ADK: variants seen among roughly 807,000 people sequenced by gnomAD.
The protein encoded by ADK is N6,N6-dimethyladenosine kinase.
ADK carries 24 observed loss-of-function variants against 44.7 expected under a neutral mutation model. That is an observed-to-expected ratio of 0.54 (90% confidence interval 0.39 to 0.76). The LOEUF (loss-of-function observed/expected upper bound fraction) is 0.76, where lower values mean the gene tolerates loss of function less well. Ranked by LOEUF, ADK falls within the 30% of genes least tolerant of loss-of-function variation. ADK has a pLI of 0.00. For missense variants in ADK, 321 were observed against 425.1 expected (o/e 0.76, Z 2.15); for synonymous variants, 128 against 142.6 (o/e 0.90, Z 0.73).
chr10:74,151,493 G>A, intron 1 of ADK, 150 bp downstream of exon 1: 1 of 818,214 alleles, frequency 1.2e-6, no homozygotes, highest in Non-Finnish European at 2.0e-6. Flanking sequence ...CCGCTTGGCC[G>A]CGACCCCTTG....
At chr10:74,255,123 T>C (rs1290015762) in intron 3 of ADK, among the ~76,000 whole-genome samples, 2 of 152,134 alleles carry the variant, frequency 1.3e-5, no homozygotes, top group Non-Finnish European at 2.9e-5. Flanking sequence ...AGGTTGGGGA[T>C]ATGCAGCCTG....
chr10:74,598,317 T>TA lies in ADK; in HGVS notation c.763-2060dup, dbSNP rs140365462. Among the ~76,000 whole-genome samples, 865 of 133,254 alleles carry TA rather than the reference T, an allele frequency of 6.5e-3. 6 individuals are homozygous for TA. The highest frequency in any genetic ancestry group is 0.02 in the African/African-American group (819 of 40,970). The allele number at this position is 133,254 out of a possible 152,430, so 87.4% of individuals were successfully genotyped here. On this transcript the variant is annotated intron_variant, in intron 8 of 10. Transcript: ENST00000539909. ...TACTTGGAAAGTTTATTTTGTCCTTTAATTGCCATTTTATGAGGTTTAATT... is the reference window on the plus strand; with the variant it reads ...TACTTGGAAAGTTTATTTTGTCCTTTAAATTGCCATTTTATGAGGTTTAATT...
intron 3 of ADK, among the ~76,000 whole-genome samples, chr10:74,304,920 C>T (rs1343655591): frequency 1.3e-5 from 2 of 152,112 alleles, no homozygotes; most frequent in African/African-American, 4.8e-5. Context: ...TCTCGGAGAA[C>T]TTAAATTACA....
intron 3 of ADK, among the ~76,000 whole-genome samples, chr10:74,261,983 T>C (rs1846054841): frequency 6.6e-6 from 1 of 152,162 alleles, no homozygotes; most frequent in Non-Finnish European, 1.5e-5. Context: ...TTAGCCAGTT[T>C]TCTATTAATA....
At chr10:74,435,736 A>G (rs74594214) in intron 6 of ADK, among the ~76,000 whole-genome samples, 4,869 of 152,244 alleles carry the variant, frequency 0.032, 224 homozygotes, top group African/African-American at 0.098. Flanking sequence ...ACCGGTACCA[A>G]TGAAGCCAGA....
At chr10:74,183,999 C>T (rs868616110) in intron 1 of ADK, among the ~76,000 whole-genome samples, 35 of 152,138 alleles carry the variant, frequency 2.3e-4, no homozygotes, top group Admixed American at 2.2e-3. Flanking sequence ...TCACCGCAAC[C>T]TCCGCCTCCC....
At chr10:74,507,872 A>G (rs1273859138) in intron 6 of ADK, among the ~76,000 whole-genome samples, 1 of 152,188 alleles carries the variant, frequency 6.6e-6, no homozygotes, top group Non-Finnish European at 1.5e-5. Flanking sequence ...TGGGCATTCA[A>G]AGAAGAATGT....
At chr10:74,267,602 G>A (rs1035454631) in intron 3 of ADK, among the ~76,000 whole-genome samples, 12 of 152,060 alleles carry the variant, frequency 7.9e-5, no homozygotes, top group African/African-American at 2.9e-4. Context: ...TTAAGTAAAT[G>A]GAAATTATTG....
chr10:74,302,137 T>TTTTTGTTTTTTTTTGTTTTTTTTG, intron 3 of ADK, among the ~76,000 whole-genome samples: 1 of 103,822 alleles, frequency 9.6e-6, no homozygotes, highest in Non-Finnish European at 1.9e-5. Context: ...TTTTTTTTTT[T>TTTTTGTTTTTTTTTGTTTTTTTTG]TTTTTTTTTG....
intron 3 of ADK, among the ~76,000 whole-genome samples, chr10:74,265,988 G>T (rs1282898820): frequency 6.6e-6 from 1 of 152,076 alleles, no homozygotes; most frequent in Non-Finnish European, 1.5e-5. Context: ...CTAAATAGTT[G>T]TTCCTAAAGT....
At chr10:74,661,571 G>A (rs772804504) in intron 9 of ADK, among the ~76,000 whole-genome samples, 12 of 152,088 alleles carry the variant, frequency 7.9e-5, no homozygotes, top group Non-Finnish European at 1.6e-4. Context: ...CTTTTGCGTG[G>A]CTTTCAAAGT....
chr10:74,232,648 C>T (rs763305058), intron 3 of ADK, among the ~76,000 whole-genome samples: 26 of 147,140 alleles, frequency 1.8e-4, no homozygotes, highest in African/African-American at 6.5e-4. Context: ...TTTTTTGAGA[C>T]GGAGTCTTGC....
intron 4 of ADK, among the ~76,000 whole-genome samples, chr10:74,337,970 C>G (rs2131864993): frequency 6.6e-6 from 1 of 152,198 alleles, no homozygotes; most frequent in South Asian, 2.1e-4. Flanking sequence ...GATTGCACCA[C>G]TACACTCCAG....
At chr10:74,692,373 G>A (rs1856020787) in intron 10 of ADK, among the ~76,000 whole-genome samples, 1 of 152,182 alleles carries the variant, frequency 6.6e-6, no homozygotes. Context: ...CAGCTACTTG[G>A]GAGACTGAGG....
intron 8 of ADK, among the ~76,000 whole-genome samples, chr10:74,592,361 TA>T (rs1361740483): frequency 1.3e-5 from 2 of 152,118 alleles, no homozygotes; most frequent in Non-Finnish European, 2.9e-5. Context: ...AGAACATAAA[TA>T]AAAATAAGGT....
chr10:74,680,241 G>GGCAGAGCTTGCAGTGAACCT (rs903789703), intron 10 of ADK, among the ~76,000 whole-genome samples: 8 of 151,430 alleles, frequency 5.3e-5, no homozygotes, highest in African/African-American at 1.5e-4. Context: ...CGTGAACCTG[G>GGCAGAGCTTGCAGTGAACCT]GAGGCAGAGC....
At chr10:74,510,451 T>C (rs1302822952) in intron 6 of ADK, among the ~76,000 whole-genome samples, 1 of 152,210 alleles carries the variant, frequency 6.6e-6, no homozygotes, top group African/African-American at 2.4e-5. Context: ...ATATTCTTAG[T>C]ATTAATCCCC....
At chr10:74,306,207 A>T (rs1474587266) in intron 3 of ADK, among the ~76,000 whole-genome samples, 1 of 152,040 alleles carries the variant, frequency 6.6e-6, no homozygotes, top group Non-Finnish European at 1.5e-5. Flanking sequence ...AAGTATACTG[A>T]TTAACAGTCT....
At chr10:74,259,237 G>T (rs893022114) in intron 3 of ADK, among the ~76,000 whole-genome samples, 4 of 151,700 alleles carry the variant, frequency 2.6e-5, no homozygotes, top group Admixed American at 6.6e-5. Context: ...GAGCCACTGT[G>T]CCTGGCATAT....
Sources: allele counts gnomAD v4.1 joint callset (sites outside exome capture counted in the v4.1 genomes callset), GRCh38; gene constraint gnomAD v4.1.1; transcripts MANE v1.5; gene names NCBI Gene and HGNC (gene_info 2026-07-23, HGNC 2026-07-21).